Variants in VPS13D observed in about 807,000 individuals in gnomAD.
VPS13D encodes the protein vacuolar protein sorting 13 homolog D, also known as intermembrane lipid transfer protein VPS13D.
VPS13D carries 187 observed loss-of-function variants against 461.9 expected under a neutral mutation model. The ratio of observed to expected loss-of-function variants is 0.40; its 90% CI spans 0.36 to 0.46. The LOEUF (loss-of-function observed/expected upper bound fraction) is 0.46, where lower values mean the gene tolerates loss of function less well. VPS13D is among the 20% of genes least tolerant of loss of function. The pLI, the probability that VPS13D is intolerant of heterozygous loss-of-function variation, is 0.60. For synonymous variants in VPS13D, 1,951 were observed against 1,986.3 expected (o/e 0.98, Z 0.47); for missense variants, 4,711 against 5,364.9 (o/e 0.88, Z 3.81).
At chr1:12,414,903 A>G (rs1644774815) in intron 63 of VPS13D, among the ~76,000 whole-genome samples, 184 bp from the exon 64 acceptor site, 1 of 152,208 alleles carries the variant, frequency 6.6e-6, no homozygotes, top group African/African-American at 2.4e-5. Context: ...GTCTGTCTAT[A>G]TATGTATTTT....
chr1:12,466,222 A>G (rs184541289), intron 67 of VPS13D, among the ~76,000 whole-genome samples: 1 of 152,144 alleles, frequency 6.6e-6, no homozygotes, highest in East Asian at 1.9e-4. Context: ...GCTTTTAATT[A>G]CTCTGCTCTG....
At chr1:12,313,299 CTTTTTT>C (rs765170972) in intron 29 of VPS13D, among the ~76,000 whole-genome samples, 4 of 117,604 alleles carry the variant, frequency 3.4e-5, no homozygotes, top group African/African-American at 1.4e-4. Flanking sequence ...TTATTCTTTC[CTTTTTT>C]TTTTTTTTTT....
chr1:12,392,665 G>T (rs1440155225), intron 60 of VPS13D, among the ~76,000 whole-genome samples: 1 of 152,134 alleles, frequency 6.6e-6, no homozygotes, highest in African/African-American at 2.4e-5. Context: ...CAGGCCAAGA[G>T]CTGTCTCTCA....
Position 12,338,271 on chromosome 1 carries a change from T to C in VPS13D, c.8592T>C (p.Ser2864=). The C allele has an allele frequency of 6.2e-7, 1 of 1,613,830 alleles. No homozygotes were observed. The highest frequency in any genetic ancestry group is 2.2e-5 in the East Asian group (1 of 44,870). Residue 2864 remains serine, a synonymous_variant, in exon 40 of 70, where the codon AGT becomes AGC. Transcript: ENST00000620676. ...LVYLRTRSTA[S]LTNLEHQIYA... Reference sequence around the variant, plus strand: ...ACCTTAGAACTAGGAGTACAGCCAGTCTGACTAACCTAGAGCACCAGATCT... The same window carrying C: ...ACCTTAGAACTAGGAGTACAGCCAGCCTGACTAACCTAGAGCACCAGATCT...
chr1:12,346,723 C>A, intron 44 of VPS13D, 71 bp downstream of exon 44: 1 of 1,389,600 alleles, frequency 7.2e-7, no homozygotes, highest in Non-Finnish European at 9.9e-7. Flanking sequence ...TGTGGATATA[C>A]ATTTCTTAAT....
intron 40 of VPS13D, among the ~76,000 whole-genome samples, chr1:12,339,110 T>C (rs984667018): frequency 6.6e-6 from 1 of 151,932 alleles, no homozygotes; most frequent in Non-Finnish European, 1.5e-5. Context: ...GTTTTTTTTT[T>C]CTGGACAATT....
chr1:12,231,775 G>A (rs1034660799), intron 1 of VPS13D, among the ~76,000 whole-genome samples: 3 of 152,164 alleles, frequency 2.0e-5, no homozygotes, highest in African/African-American at 7.2e-5. Flanking sequence ...GATCGCTTAA[G>A]GTCAGGATTT....
chr1:12,385,464 A>G (rs1644338596), intron 59 of VPS13D, 91 bp downstream of exon 59: 9 of 1,007,272 alleles, frequency 8.9e-6, no homozygotes, highest in South Asian at 1.6e-5. Context: ...TTTTCTTTCT[A>G]TCCTGTATGA....
chr1:12,498,729 C>G (rs1034285194), intron 68 of VPS13D, among the ~76,000 whole-genome samples: 8 of 152,196 alleles, frequency 5.3e-5, no homozygotes, highest in African/African-American at 1.9e-4. Flanking sequence ...AAGGCATCTT[C>G]TGATTCTGCT....
Position 12,273,061 on chromosome 1 carries a change from C to T in VPS13D, c.2162C>T (p.Pro721Leu). ...ATTTCTGCCCCTCAGGTGATATTTC[C>T]TGATGATTTCAAATTCAAGAATCCT... is the stretch of plus-strand genomic sequence containing the variant. ...LDISAPQVIF[P>L]DDFKFKNPVL... Residue 721 changes from proline to leucine, a missense_variant, in exon 18 of 70, where the codon CCT (proline) becomes CTT (leucine). Around this residue, in one of 3 missense-constraint regions of VPS13D, gnomAD observed 4,411 missense variants for 4,937.8 expected, o/e 0.89. Transcript: ENST00000620676. 5.6e-6 allele frequency: 9 copies of T among 1,614,066 alleles called. No individual in the cohort carries two copies. The highest frequency in any genetic ancestry group is 7.6e-6 in the Non-Finnish European group (9 of 1,179,992).
chr1:12,306,519 C>A (rs1415137379), intron 26 of VPS13D, among the ~76,000 whole-genome samples: 1 of 152,132 alleles, frequency 6.6e-6, no homozygotes, highest in East Asian at 1.9e-4. Context: ...TGGTGGATGC[C>A]TTTAAGAAGT....
At chr1:12,391,166 A>T (rs1557751732) in intron 60 of VPS13D, among the ~76,000 whole-genome samples, 2 of 152,182 alleles carry the variant, frequency 1.3e-5, no homozygotes, top group African/African-American at 2.4e-5. Flanking sequence ...CTTCCATGCA[A>T]AGTGCATGAC....
chr1:12,268,204 C>T (rs1641330278), intron 15 of VPS13D, among the ~76,000 whole-genome samples: 1 of 150,658 alleles, frequency 6.6e-6, no homozygotes, highest in Non-Finnish European at 1.5e-5. Flanking sequence ...CCCTCCTTGG[C>T]CTCCCAAAGT....
intron 27 of VPS13D, among the ~76,000 whole-genome samples, chr1:12,309,219 T>C (rs1460391397): frequency 5.4e-5 from 8 of 149,158 alleles, no homozygotes; most frequent in South Asian, 2.1e-4. Flanking sequence ...TTTCTTTTTT[T>C]TTTTTTTTTT....
At chr1:12,376,218 C>G (rs932799991) in intron 55 of VPS13D, among the ~76,000 whole-genome samples, 2 of 152,196 alleles carry the variant, frequency 1.3e-5, no homozygotes, top group African/African-American at 4.8e-5. Context: ...GGAAGCACAG[C>G]TTAGCTTCAT....
chr1:12,347,194 G>A (rs1193017768), intron 44 of VPS13D, among the ~76,000 whole-genome samples: 3 of 150,686 alleles, frequency 2.0e-5, no homozygotes, highest in Admixed American at 1.3e-4. Flanking sequence ...TTTTTGAGAC[G>A]GAGTCTCGCT....
intron 65 of VPS13D, among the ~76,000 whole-genome samples, chr1:12,438,184 C>A (rs2100330639): frequency 6.6e-6 from 1 of 152,220 alleles, no homozygotes; most frequent in South Asian, 2.1e-4. Context: ...AATGTGTCCC[C>A]CCAGAATTCA....
intron 67 of VPS13D, among the ~76,000 whole-genome samples, chr1:12,460,942 C>A (rs961301023): frequency 6.6e-6 from 1 of 152,152 alleles, no homozygotes; most frequent in African/African-American, 2.4e-5. Flanking sequence ...TGCCACCCCC[C>A]ATCCCCCCAG....
intron 30 of VPS13D, among the ~76,000 whole-genome samples, chr1:12,317,458 A>G (rs2101517793): frequency 6.6e-6 from 1 of 152,158 alleles, no homozygotes; most frequent in East Asian, 1.9e-4. Flanking sequence ...GTTTTGGGTC[A>G]GATAATTCCT....
Sources: gnomAD v4.1 joint callset for allele counts (sites outside exome capture counted in the v4.1 genomes callset) on GRCh38, gnomAD v4.1.1 for gene constraint, gnomAD v4.1.1 regional missense constraint, MANE v1.5 for transcripts, NCBI Gene and HGNC (gene_info 2026-07-23, HGNC 2026-07-21) for gene names.